The following REG3G variants were observed in gnomAD, a reference collection of about 807,000 sequenced individuals.
REG3G encodes the protein regenerating islet-derived protein 3-gamma.
A neutral mutation model predicts 20.9 loss-of-function variants in REG3G; 19 were observed. That is an observed-to-expected ratio of 0.91 (90% CI 0.64 to 1.34). REG3G has a LOEUF of 1.34. REG3G is among the 40% of genes most tolerant of loss of function. REG3G has a pLI of 0.00. For synonymous variants in REG3G, 89 were observed against 77.4 expected, an observed-to-expected ratio of 1.15 and a Z score of -0.79; for missense variants, 235 against 205.0, an observed-to-expected ratio of 1.15 and a Z score of -0.89.
intron 4 of REG3G, 94 bp downstream of exon 4, chr2:79,027,265 T>C (rs998161490): frequency 2.3e-5 from 30 of 1,333,110 alleles, no homozygotes; most frequent in Non-Finnish European, 3.0e-5. Flanking sequence ...GGAAGTACTT[T>C]AGGGAGCACT....
Position 79,027,787 on chromosome 2 carries a change from C to A in REG3G, c.334-20C>A. The A allele has an allele frequency of 6.2e-7, 1 of 1,613,576 alleles. No individual in the cohort carries two copies. The highest frequency in any genetic ancestry group is 1.1e-5 in the South Asian group (1 of 91,014). Reference sequence around the variant, plus strand: ...TGCAATGGCCATTTTCTTCACCTGGCTGCCTCCTCTTCTCTATAGGGCTCT... The same window carrying A: ...TGCAATGGCCATTTTCTTCACCTGGATGCCTCCTCTTCTCTATAGGGCTCT... On this transcript the variant is annotated intron_variant, in intron 4 of 5. Coordinates refer to ENST00000272324, the MANE Select transcript of REG3G (RefSeq NM_001008387.3).
In REG3G at chr2:79,027,068, T is replaced by C. The variant is rs1410501735; in HGVS notation, c.230T>C (p.Val77Ala). The change falls in exon 4 of 6, where the codon GTG (valine) becomes GCG (alanine). Residue 77 changes from valine (V) to alanine (A), a missense_variant. Transcript: ENST00000272324. ...CAGAAGCGGCCCTCTGGAAAACTGG[T>C]GTCTGTGCTCAGTGGGGCTGAGGGA... ...ACQKRPSGKL[V>A]SVLSGAEGSF... 1.9e-6 allele frequency: 3 copies of C among 1,614,074 alleles called. No homozygotes were observed. The highest frequency in any genetic ancestry group is 2.5e-6 in the Non-Finnish European group (3 of 1,179,954).
chr2:79,028,020 G>A lies in REG3G; in HGVS notation c.460+87G>A. 3.9e-6 allele frequency: 6 copies of A among 1,545,344 alleles called. No homozygotes were observed. In the South Asian group the frequency reaches 5.8e-5, roughly 15 times the overall value. ...CCTTCAGGAAATCCTTTTCAGCTAG[G>A]TAATGCAGTGTTTATGTGCCTTCTC... is the stretch of plus-strand genomic sequence containing the variant. On this transcript the variant is annotated intron_variant, in intron 5 of 5. Coordinates refer to ENST00000272324, the MANE Select transcript of REG3G (RefSeq NM_001008387.3).
rs1671665164 is a variant in REG3G, at chr2:79,027,872, G to A, written c.399G>A (p.Trp133Ter). ...CTGATGTGATGAATTACTTTGCATG[G>A]GAGAAAAATCCCTCCACCATCTTAA... ...SSTDVMNYFA[W>*]EKNPSTILNP... Residue 133 changes from tryptophan to a stop codon, truncating the protein, a stop_gained, in exon 5 of 6, where the codon TGG (tryptophan) becomes TGA (stop). Transcript: ENST00000272324. LOFTEE classifies it high-confidence loss of function. The A allele has an allele frequency of 6.2e-7, 1 of 1,614,024 alleles. No individual in the cohort carries two copies. Among genetic ancestry groups the A allele is most frequent in the Non-Finnish European group, 8.5e-7 (1 of 1,179,974 alleles).
Position 79,027,103 on chromosome 2 carries a change from T to C in REG3G, c.265T>C (p.Ser89Pro). 6.2e-7 allele frequency: 1 copy of C among 1,613,992 alleles called. No homozygotes were observed. The highest frequency in any genetic ancestry group is 1.7e-5 in the Admixed American group (1 of 60,026). The change falls in exon 4 of 6, where the codon TCC (serine) becomes CCC (proline). Residue 89 changes from serine to proline, a missense_variant. By Grantham distance (74) the Ser-to-Pro change is moderately conservative. Transcript: ENST00000272324. ...VLSGAEGSFV[S>P]SLVRSISNSY... ...CAGTGGGGCTGAGGGATCCTTCGTGTCCTCCCTGGTGAGGAGCATTAGTAA... is the reference window on the plus strand; with the variant it reads ...CAGTGGGGCTGAGGGATCCTTCGTGCCCTCCCTGGTGAGGAGCATTAGTAA...
In REG3G at chr2:79,027,935, T is replaced by G; in HGVS notation, c.460+2T>G. 1 of 1,613,890 alleles carries G rather than the reference T, an allele frequency of 6.2e-7. No homozygotes were observed. The highest frequency in any genetic ancestry group is 2.2e-5 in the East Asian group (1 of 44,852). On this transcript the variant is annotated splice_donor_variant, in intron 5 of 5. Coordinates refer to ENST00000272324, the MANE Select transcript of REG3G (RefSeq NM_001008387.3). LOFTEE classifies it high-confidence loss of function. The stretch of plus-strand genomic sequence containing the variant: ...GTGGGAGCCTGTCAAGAAGCACAGG[T>G]AAGAAACAGAAGAGCTGCCTCTTCC...
At chr2:79,027,451 T>C (rs1267432526) in intron 4 of REG3G, among the ~76,000 whole-genome samples, 2 of 152,218 alleles carry the variant, frequency 1.3e-5, no homozygotes, top group African/African-American at 2.4e-5. Context: ...AGGGAGTCTG[T>C]ATCTATTATT....
intron 2 of REG3G, 163 bp from the exon 3 acceptor site, chr2:79,026,550 T>C (rs1003752544): frequency 3.1e-6 from 2 of 638,970 alleles, no homozygotes; most frequent in Non-Finnish European, 2.7e-6. Flanking sequence ...GCCCATTTAG[T>C]AGGGCTATTT....
At chr2:79,026,487 G>A (rs1441618755) in intron 2 of REG3G, 1 of 598,854 alleles carries the variant, frequency 1.7e-6, no homozygotes, top group Admixed American at 3.0e-5. Flanking sequence ...CCACAGTGAA[G>A]AGAGTGTTGA....
chr2:79,026,272 A>G, intron 2 of REG3G, 103 bp downstream of exon 2: 2 of 1,152,100 alleles, frequency 1.7e-6, no homozygotes, highest in African/African-American at 3.0e-5. Flanking sequence ...CGTGGTGTCT[A>G]ATGAAACTGC....
At chr2:79,026,509 A>T in intron 2 of REG3G, 1 of 601,804 alleles carries the variant, frequency 1.7e-6, no homozygotes. Context: ...TGGTTGAATA[A>T]GGGGAAAGGG....
In REG3G at chr2:79,026,176, T is replaced by G; in HGVS notation, c.76+7T>G. On this transcript the variant is annotated splice_region_variant and intron_variant, in intron 2 of 5. Coordinates refer to ENST00000272324, the MANE Select transcript of REG3G (RefSeq NM_001008387.3). The stretch of plus-strand genomic sequence containing the variant: ...CTCCTGTGTCAGGTTCAAGGTGAGA[T>G]TTCTCTGCCTCTAGCACTGGGTTCC... 1 of 1,613,772 alleles carries G rather than the reference T, an allele frequency of 6.2e-7. No homozygotes were observed. Among genetic ancestry groups the G allele is most frequent in the East Asian group, 2.2e-5 (1 of 44,852 alleles).
Position 79,027,159 on chromosome 2 carries a change from T to A in REG3G, c.321T>A (p.His107Gln), listed in dbSNP as rs148267535. The A allele has an allele frequency of 6.8e-6, 11 of 1,613,738 alleles. No individual in the cohort carries two copies. Among genetic ancestry groups the A allele is most frequent in the Non-Finnish European group, 7.6e-6 (9 of 1,179,826 alleles). ...ATTCATACATCTGGATTGGGCTCCA[T>A]GACCCCACACAGGTGCGAGTATATC... is the stretch of plus-strand genomic sequence containing the variant. ...NSYSYIWIGL[H>Q]DPTQGSEPDG... is the part of the protein sequence containing the mutation. The change falls in exon 4 of 6, where the codon CAT (histidine) becomes CAA (glutamine). Residue 107 changes from histidine to glutamine, a missense_variant. His to Gln is a conservative substitution (Grantham distance 24). Coordinates refer to ENST00000272324, the MANE Select transcript of REG3G (RefSeq NM_001008387.3).
chr2:79,027,698 G>T, intron 4 of REG3G, 109 bp from the exon 5 acceptor site: 1 of 1,354,158 alleles, frequency 7.4e-7, no homozygotes, highest in Non-Finnish European at 1.0e-6. Flanking sequence ...TGGAAGATCA[G>T]ACCAAAATCC....
At chr2:79,026,632 G>A in intron 2 of REG3G, 81 bp from the exon 3 acceptor site, 1 of 1,127,292 alleles carries the variant, frequency 8.9e-7, no homozygotes, top group Non-Finnish European at 1.3e-6. Context: ...CTCCCCAAGG[G>A]CAGACCTAGA....
At chr2:79,028,002 G>A in intron 5 of REG3G, 69 bp downstream of exon 5, 5 of 1,598,656 alleles carry the variant, frequency 3.1e-6, no homozygotes, top group Non-Finnish European at 3.4e-6. Context: ...TGACCTTCAG[G>A]AAATCCTTTT....
In REG3G at chr2:79,027,908, C is replaced by T; in HGVS notation, c.435C>T (p.His145=). 6.2e-7 allele frequency: 1 copy of T among 1,614,064 alleles called. No individual in the cohort carries two copies. The highest frequency in any genetic ancestry group is 8.5e-7 in the Non-Finnish European group (1 of 1,179,972). ...KNPSTILNPG[H]CGSLSRSTGF... Reference sequence around the variant, plus strand: ...CCTCCACCATCTTAAACCCTGGCCACTGTGGGAGCCTGTCAAGAAGCACAG... The same window carrying T: ...CCTCCACCATCTTAAACCCTGGCCATTGTGGGAGCCTGTCAAGAAGCACAG... Residue 145 remains histidine, a synonymous_variant, in exon 5 of 6, where the codon CAC becomes CAT. Coordinates refer to ENST00000272324, the MANE Select transcript of REG3G (RefSeq NM_001008387.3).
intron 2 of REG3G, 133 bp downstream of exon 2, chr2:79,026,302 A>C: frequency 1.2e-6 from 1 of 831,238 alleles, no homozygotes; most frequent in Admixed American, 2.1e-5. Context: ...CTGCATCATC[A>C]CTCCTTCCTT....
intron 2 of REG3G, chr2:79,026,409 A>G: frequency 1.7e-6 from 1 of 599,352 alleles, no homozygotes; most frequent in East Asian, 2.8e-5. Context: ...CACTGGTGGG[A>G]AAGTGTGGAG....
Sources: allele counts gnomAD v4.1 joint callset (sites outside exome capture counted in the v4.1 genomes callset), GRCh38; gene constraint gnomAD v4.1.1; transcripts MANE v1.5; gene names NCBI Gene and HGNC (gene_info 2026-07-23, HGNC 2026-07-21).